DOCK2: variants seen among roughly 807,000 people sequenced by gnomAD.
DOCK2 encodes the protein dedicator of cytokinesis protein 2.
DOCK2 carries 87 observed loss-of-function variants against 248.9 expected under a neutral mutation model. The observed-to-expected ratio is 0.35, with a 90% CI of 0.29 to 0.42. The LOEUF (loss-of-function observed/expected upper bound fraction) is 0.42, where lower values mean the gene tolerates loss of function less well. Among genes scored for constraint, DOCK2 ranks in the 10% least tolerant of loss-of-function variants. The pLI, the probability that DOCK2 is intolerant of heterozygous loss-of-function variation, is 1.00. For synonymous variants in DOCK2, 805 were observed against 821.6 expected, an observed-to-expected ratio of 0.98 and a Z score of 0.35; for missense variants, 1,747 against 2,300.2, an observed-to-expected ratio of 0.76 and a Z score of 4.92.
At chr5:169,901,562 G>C (rs1773928447) in intron 27 of DOCK2, among the ~76,000 whole-genome samples, 2 of 152,160 alleles carry the variant, frequency 1.3e-5, no homozygotes. Context: ...TGAACCAGTG[G>C]GGAGGCTGTA....
chr5:169,926,539 T>C (rs60989576), intron 27 of DOCK2, among the ~76,000 whole-genome samples: 2,675 of 152,246 alleles, frequency 0.018, 74 homozygotes, highest in African/African-American at 0.06. Context: ...TGAATCTGGG[T>C]GCCGCATGAG....
intron 42 of DOCK2, 125 bp downstream of exon 42, chr5:170,055,511 C>A: frequency 1.2e-6 from 1 of 816,910 alleles, no homozygotes; most frequent in Non-Finnish European, 2.0e-6. Context: ...GCCAGTTTTT[C>A]CCCCCTTTTC....
intron 25 of DOCK2, among the ~76,000 whole-genome samples, chr5:169,794,037 C>T (rs1189096628): frequency 4.6e-5 from 7 of 152,132 alleles, no homozygotes; most frequent in Admixed American, 1.3e-4. Flanking sequence ...TAGTTATCAG[C>T]GCCCATTGTT....
intron 6 of DOCK2, among the ~76,000 whole-genome samples, chr5:169,677,988 C>T (rs1561591200): frequency 6.6e-6 from 1 of 152,168 alleles, no homozygotes; most frequent in Non-Finnish European, 1.5e-5. Context: ...AGACTGGTGC[C>T]ATCTTGACAG....
intron 13 of DOCK2, among the ~76,000 whole-genome samples, chr5:169,701,271 T>C (rs1269079618): frequency 6.6e-6 from 1 of 152,252 alleles, no homozygotes; most frequent in Non-Finnish European, 1.5e-5. Flanking sequence ...GTCTTCAAAC[T>C]AAATTTGTTG....
At chr5:169,896,582 A>G (rs1773623719) in intron 27 of DOCK2, among the ~76,000 whole-genome samples, 1 of 152,242 alleles carries the variant, frequency 6.6e-6, no homozygotes, top group African/African-American at 2.4e-5. Flanking sequence ...CTTTCAGAAA[A>G]GCGCCTGTCA....
intron 27 of DOCK2, among the ~76,000 whole-genome samples, chr5:169,868,162 A>T (rs1771717894): frequency 6.6e-6 from 1 of 152,180 alleles, no homozygotes; most frequent in Non-Finnish European, 1.5e-5. Context: ...TCTGGGCCTG[A>T]CACTGTACCA....
intron 2 of DOCK2, among the ~76,000 whole-genome samples, chr5:169,664,685 C>T (rs1758621370): frequency 6.6e-6 from 1 of 152,144 alleles, no homozygotes; most frequent in African/African-American, 2.4e-5. Flanking sequence ...ATTTTTAAAC[C>T]ATCAGATCTC....
intron 26 of DOCK2, among the ~76,000 whole-genome samples, chr5:169,809,101 G>A (rs1051069371): frequency 2.0e-5 from 3 of 151,892 alleles, no homozygotes; most frequent in Non-Finnish European, 4.4e-5. Flanking sequence ...AGCAATTCTT[G>A]TGCCTCAGCT....
intron 27 of DOCK2, among the ~76,000 whole-genome samples, chr5:169,924,604 C>A (rs1211583736): frequency 6.6e-6 from 1 of 152,204 alleles, no homozygotes; most frequent in Non-Finnish European, 1.5e-5. Context: ...TTCAATCATG[C>A]TGAAGTTCAT....
At chr5:170,060,272 A>G (rs1230503997) in intron 44 of DOCK2, among the ~76,000 whole-genome samples, 1 of 152,194 alleles carries the variant, frequency 6.6e-6, no homozygotes, top group East Asian at 1.9e-4. Context: ...TAAGGACTGT[A>G]TATCTCTGGG....
At chr5:169,660,056 C>G (rs1442218358) in intron 2 of DOCK2, among the ~76,000 whole-genome samples, 1 of 152,180 alleles carries the variant, frequency 6.6e-6, no homozygotes, top group African/African-American at 2.4e-5. Flanking sequence ...AATAAGCCCT[C>G]TATGATCAGC....
intron 26 of DOCK2, among the ~76,000 whole-genome samples, chr5:169,811,180 C>A (rs1256069169): frequency 6.6e-6 from 1 of 152,138 alleles, no homozygotes; most frequent in African/African-American, 2.4e-5. Context: ...CCCTGACCTG[C>A]GTGTGGGAAA....
intron 50 of DOCK2, 161 bp downstream of exon 50, chr5:170,080,444 C>T: frequency 9.2e-7 from 1 of 1,081,626 alleles, no homozygotes; most frequent in South Asian, 1.7e-5. Context: ...AATCTCTCCC[C>T]ACACCCACCA....
intron 9 of DOCK2, among the ~76,000 whole-genome samples, chr5:169,691,129 G>T (rs1760272396): frequency 1.3e-5 from 2 of 152,166 alleles, no homozygotes; most frequent in South Asian, 4.1e-4. Flanking sequence ...GGGAAAGCAG[G>T]CTTGTCCTAT....
Position 170,042,127 on chromosome 5 carries a change from G to A in DOCK2, c.3871G>A (p.Gly1291Arg). 1.2e-6 allele frequency: 2 copies of A among 1,610,894 alleles called. No homozygotes were observed. Among genetic ancestry groups the A allele is most frequent in the Non-Finnish European group, 1.7e-6 (2 of 1,178,304 alleles). ...YETIIGYFDK[G>R]KMWEEAISLC... The stretch of plus-strand genomic sequence containing the variant: ...GACCATCATAGGCTACTTTGACAAA[G>A]GAAAGGTAATCTGTCCCTGCCCACC... The change falls in exon 38 of 52, where the codon GGA becomes AGA. Residue 1291 changes from glycine to arginine, a missense_variant. Gly to Arg is a moderately radical substitution (Grantham distance 125). Transcript: ENST00000520908.
intron 36 of DOCK2, 89 bp downstream of exon 36, chr5:170,036,644 A>G: frequency 1.5e-6 from 2 of 1,295,480 alleles, no homozygotes; most frequent in East Asian, 2.5e-5. Flanking sequence ...TTCAGGATAA[A>G]ATTTAAACTT....
chr5:169,797,782 A>G (rs1766744379), intron 25 of DOCK2, among the ~76,000 whole-genome samples: 1 of 152,166 alleles, frequency 6.6e-6, no homozygotes, highest in Admixed American at 6.5e-5. Context: ...GGTGTGAACT[A>G]TTTATCTTCA....
intron 26 of DOCK2, among the ~76,000 whole-genome samples, chr5:169,827,545 G>C (rs957513921): frequency 5.3e-5 from 8 of 152,362 alleles, no homozygotes; most frequent in Admixed American, 5.2e-4. Context: ...TCACCAGCTT[G>C]TTGGGGAAGG....
Sources: gnomAD v4.1 joint callset for allele counts (sites outside exome capture counted in the v4.1 genomes callset) on GRCh38, gnomAD v4.1.1 for gene constraint, MANE v1.5 for transcripts, NCBI Gene and HGNC (gene_info 2026-07-23, HGNC 2026-07-21) for gene names.